Variants in OCA2 observed in about 807,000 individuals in gnomAD.
OCA2 encodes P protein.
In OCA2, 77 loss-of-function variants were observed where a neutral mutation model predicts 100.2. That is an observed-to-expected ratio of 0.77 (90% CI 0.64 to 0.93). OCA2 has a LOEUF of 0.93. OCA2 is among the 40% of genes least tolerant of loss of function. The pLI, the probability that OCA2 is intolerant of heterozygous loss-of-function variation, is 0.00. For synonymous variants in OCA2, 432 were observed against 439.2 expected (o/e 0.98, Z 0.21); for missense variants, 1,062 against 1,089.1 (o/e 0.98, Z 0.35).
chr15:27,788,894 G>A (rs1009556069), intron 23 of OCA2, among the ~76,000 whole-genome samples: 7 of 151,572 alleles, frequency 4.6e-5, no homozygotes, highest in Admixed American at 4.6e-4. Flanking sequence ...TTTAGTAATT[G>A]CCATTGAGAT....
chr15:27,848,328 T>G (rs1270400556), intron 22 of OCA2, among the ~76,000 whole-genome samples: 1 of 152,198 alleles, frequency 6.6e-6, no homozygotes, highest in Non-Finnish European at 1.5e-5. Flanking sequence ...GGTTGTGGGG[T>G]TCACATGAGA....
chr15:27,934,289 C>T (rs886515778), intron 18 of OCA2, among the ~76,000 whole-genome samples: 1 of 149,938 alleles, frequency 6.7e-6, no homozygotes, highest in African/African-American at 2.4e-5. Context: ...AATGAGATTT[C>T]TCAGCAAAGA....
intron 5 of OCA2, among the ~76,000 whole-genome samples, chr15:28,023,081 G>T (rs1329080568): frequency 6.8e-6 from 1 of 147,294 alleles, no homozygotes; most frequent in African/African-American, 2.4e-5. Flanking sequence ...ACTGGACACA[G>T]AGCTCAGGTC....
chr15:28,008,856 G>A (rs924291732), intron 9 of OCA2, among the ~76,000 whole-genome samples: 1 of 152,190 alleles, frequency 6.6e-6, no homozygotes, highest in Non-Finnish European at 1.5e-5. Flanking sequence ...GACAGGCAGG[G>A]GCATCTGCAA....
intron 21 of OCA2, among the ~76,000 whole-genome samples, chr15:27,855,640 C>A (rs1320716588): frequency 1.3e-5 from 2 of 152,202 alleles, no homozygotes; most frequent in Non-Finnish European, 2.9e-5. Flanking sequence ...ACCATGTTAT[C>A]TTGTCTATGC....
intron 18 of OCA2, among the ~76,000 whole-genome samples, chr15:27,933,411 A>AG (rs1180849976): frequency 6.6e-6 from 1 of 152,184 alleles, no homozygotes; most frequent in African/African-American, 2.4e-5. Context: ...TAATGATTAT[A>AG]GGGTTTCTTC....
intron 2 of OCA2, among the ~76,000 whole-genome samples, chr15:28,072,735 A>G (rs1173256612): frequency 2.0e-5 from 3 of 152,172 alleles, no homozygotes; most frequent in Non-Finnish European, 4.4e-5. Context: ...ATGCAAATTA[A>G]AACCACAATG....
Position 28,032,133 on chromosome 15 carries a change from G to T in OCA2, c.258C>A (p.Ser86Arg), listed in dbSNP as rs772243109. The T allele has an allele frequency of 1.2e-6, 2 of 1,613,994 alleles. No homozygotes were observed. The highest frequency in any genetic ancestry group is 1.7e-6 in the Non-Finnish European group (2 of 1,179,862). The change falls in exon 3 of 24, where the codon AGC becomes AGA. Residue 86 changes from serine (S) to arginine (R), a missense_variant. By Grantham distance (110) the Ser-to-Arg change is moderately radical (BLOSUM62 -1). Coordinates refer to ENST00000354638, the MANE Select transcript of OCA2 (RefSeq NM_000275.3). ...TAAAGCAGGAATCTTTAGACCTGGAGCTGGACATCTGGGGCAAAGAAGAGT... is the reference window on the plus strand; with the variant it reads ...TAAAGCAGGAATCTTTAGACCTGGATCTGGACATCTGGGGCAAAGAAGAGT... ...RSHSSLPQMS[S>R]SRSKDSCFTE...
chr15:27,967,584 C>A (rs575191640), intron 14 of OCA2, among the ~76,000 whole-genome samples: 1 of 152,364 alleles, frequency 6.6e-6, no homozygotes, highest in East Asian at 1.9e-4. Flanking sequence ...TCCCTGCCAT[C>A]GGTTTGAAAG....
chr15:28,042,111 A>C (rs1345888954), intron 2 of OCA2, among the ~76,000 whole-genome samples: 1 of 152,192 alleles, frequency 6.6e-6, no homozygotes, highest in African/African-American at 2.4e-5. Context: ...TTTTGTGTAG[A>C]TCAAATATTA....
intron 9 of OCA2, among the ~76,000 whole-genome samples, chr15:28,004,620 A>C (rs1422458802): frequency 6.6e-6 from 1 of 151,872 alleles, no homozygotes; most frequent in Non-Finnish European, 1.5e-5. Flanking sequence ...ATGCAGTCAC[A>C]CACTGTGACA....
chr15:27,988,163 A>G (rs1456861571), intron 11 of OCA2, among the ~76,000 whole-genome samples: 1 of 152,058 alleles, frequency 6.6e-6, no homozygotes, highest in African/African-American at 2.4e-5. Flanking sequence ...AAATGGTCCC[A>G]TGGGTGGTTG....
At chr15:27,990,729 G>A (rs1595777058) in intron 9 of OCA2, 82 bp from the exon 10 acceptor site, 2 of 1,140,142 alleles carry the variant, frequency 1.8e-6, no homozygotes, top group African/African-American at 1.5e-5. Context: ...ACATGAGGGG[G>A]TCTATATCTG....
chr15:27,897,317 C>A (rs551721275), intron 19 of OCA2, among the ~76,000 whole-genome samples: 1 of 152,182 alleles, frequency 6.6e-6, no homozygotes, highest in Non-Finnish European at 1.5e-5. Flanking sequence ...GGACTTGGTG[C>A]CCTGCATTCC....
At chr15:27,970,287 A>G (rs1341777999) in intron 14 of OCA2, among the ~76,000 whole-genome samples, 1 of 104,606 alleles carries the variant, frequency 9.6e-6, no homozygotes, top group Non-Finnish European at 2.8e-5. Context: ...TGTGGAAACC[A>G]ACAAACCAAA....
the OCA2 span, among the ~76,000 whole-genome samples, chr15:27,722,652 TTC>T: frequency 1.1e-5 from 1 of 94,144 alleles, no homozygotes; most frequent in Non-Finnish European, 2.4e-5. Context: ...CTTCCTTCTT[TTC>T]TCTCTTTCTT....
chr15:28,087,026 T>C (rs978269551), intron 1 of OCA2, among the ~76,000 whole-genome samples: 5 of 152,208 alleles, frequency 3.3e-5, no homozygotes, highest in Non-Finnish European at 7.3e-5. Flanking sequence ...TTTGACGATC[T>C]CATGGCTGAA....
At chr15:27,784,322 A>G (rs944191024) in intron 23 of OCA2, among the ~76,000 whole-genome samples, 1 of 152,210 alleles carries the variant, frequency 6.6e-6, no homozygotes, top group East Asian at 1.9e-4. Context: ...AACCATAGCA[A>G]CAGCAAACCA....
intron 23 of OCA2, among the ~76,000 whole-genome samples, chr15:27,819,889 T>G (rs4778120): frequency 0.5 from 75,769 of 151,584 alleles, 19,555 homozygotes; most frequent in South Asian, 0.76. Context: ...TGGAGAAACG[T>G]TGTATTCTAG....
Sources: allele counts gnomAD v4.1 joint callset (sites outside exome capture counted in the v4.1 genomes callset), GRCh38; gene constraint gnomAD v4.1.1; transcripts MANE v1.5; gene names NCBI Gene and HGNC (gene_info 2026-07-23, HGNC 2026-07-21).